DYNLT2: variants seen among roughly 807,000 people sequenced by gnomAD.
The protein encoded by DYNLT2 is dynein light chain Tctex-type protein 2.
DYNLT2 carries 24 observed loss-of-function variants against 24.3 expected under a neutral mutation model. The ratio of observed to expected loss-of-function variants is 0.99; its 90% confidence interval spans 0.71 to 1.39. The LOEUF is 1.39. Among genes scored for constraint, DYNLT2 ranks in the 40% most tolerant of loss-of-function variants. The pLI, the probability that DYNLT2 is intolerant of heterozygous loss-of-function variation, is 0.00. For missense variants in DYNLT2, 246 were observed against 234.5 expected (o/e 1.05, Z -0.32); for synonymous variants, 85 against 85.4 (o/e 1.00, Z 0.03).
chr6:169,749,755 T>C (rs1239550621), intron 1 of DYNLT2: 1 of 152,180 alleles, frequency 6.6e-6, no homozygotes, highest in Non-Finnish European at 1.5e-5. Context: ...CAATTGCAGA[T>C]GAGTTAATTC....
intron 1 of DYNLT2, among the ~76,000 whole-genome samples, 158 bp from the exon 2 acceptor site, chr6:169,744,432 A>G (rs1364501607): frequency 6.6e-6 from 1 of 152,096 alleles, no homozygotes; most frequent in Non-Finnish European, 1.5e-5. Flanking sequence ...TGGTTGCTAA[A>G]TCCTAGATTC....
intron 1 of DYNLT2, chr6:169,749,395 G>A (rs950388714): frequency 3.3e-5 from 5 of 152,204 alleles, no homozygotes; most frequent in African/African-American, 4.8e-5. Flanking sequence ...CACTGCACCC[G>A]GCTGTATTTA....
the DYNLT2 span, among the ~76,000 whole-genome samples, chr6:169,732,530 AC>A: frequency 6.6e-6 from 1 of 152,114 alleles, no homozygotes; most frequent in Admixed American, 6.5e-5. Context: ...ATGAGTGAGA[AC>A]ATGTGATGTT....
the DYNLT2 span, among the ~76,000 whole-genome samples, chr6:169,728,459 G>A: frequency 6.6e-6 from 1 of 152,208 alleles, no homozygotes. Context: ...CTGAATGTGA[G>A]TTGGTTAAGG....
the DYNLT2 span, among the ~76,000 whole-genome samples, chr6:169,727,832 G>A: frequency 1.3e-5 from 2 of 152,110 alleles, no homozygotes; most frequent in African/African-American, 4.8e-5. Context: ...CAAAGTGCTG[G>A]GATTACAGGC....
chr6:169,731,276 G>T, the DYNLT2 span, among the ~76,000 whole-genome samples: 1 of 152,224 alleles, frequency 6.6e-6, no homozygotes, highest in East Asian at 1.9e-4. Flanking sequence ...AAATAGCAGA[G>T]TATTACATTA....
At chr6:169,726,925 T>C in the DYNLT2 span, among the ~76,000 whole-genome samples, 2 of 152,064 alleles carry the variant, frequency 1.3e-5, no homozygotes, top group Admixed American at 1.3e-4. Flanking sequence ...ATTATGCAGA[T>C]ATACGTGAAA....
At chr6:169,730,079 T>C in the DYNLT2 span, among the ~76,000 whole-genome samples, 2 of 152,254 alleles carry the variant, frequency 1.3e-5, no homozygotes, top group East Asian at 3.8e-4. Context: ...ATAATTGAAA[T>C]GTGAACCACC....
chr6:169,725,517 C>G, the DYNLT2 span: 1 of 394,720 alleles, frequency 2.5e-6, no homozygotes, highest in East Asian at 3.6e-5. Flanking sequence ...TCCGTTCTTG[C>G]CTCTGTCCCA....
downstream of DYNLT2, among the ~76,000 whole-genome samples, chr6:169,736,864 T>A (rs913891534): frequency 6.7e-6 from 1 of 150,190 alleles, no homozygotes; most frequent in Non-Finnish European, 1.5e-5. Flanking sequence ...TGGCCTGTCT[T>A]CCTAGGTTGG....
rs1304514785 is a variant in DYNLT2, at chr6:169,751,143, A to T, written c.120+196T>A. On this transcript the variant is annotated intron_variant, in intron 1 of 3. Transcript: ENST00000366774. Reference sequence around the variant, plus strand: ...CCTAATTAAAAAACAAGAAAACTTTAGCACTCAAGTCCAAAGGGGACTGCC... The same window carrying T: ...CCTAATTAAAAAACAAGAAAACTTTTGCACTCAAGTCCAAAGGGGACTGCC... 6.8e-6 allele frequency: 5 copies of T among 736,184 alleles called. No individual in the cohort carries two copies. In the East Asian group the frequency reaches 1.4e-4, roughly 20 times the overall value. The allele number at this position is 736,184 out of a possible 1,614,324, so 45.6% of individuals were successfully genotyped here.
intron 1 of DYNLT2, among the ~76,000 whole-genome samples, chr6:169,745,464 T>C (rs901795205): frequency 1.3e-5 from 2 of 152,144 alleles, no homozygotes; most frequent in Non-Finnish European, 2.9e-5. Flanking sequence ...CTATTTCTAG[T>C]TTTTGGGGTG....
In DYNLT2 at chr6:169,744,097, C is replaced by A; in HGVS notation, c.298G>T (p.Val100Leu). 1 of 1,612,714 alleles carries A rather than the reference C, an allele frequency of 6.2e-7. No homozygotes were observed. The highest frequency in any genetic ancestry group is 1.3e-5 in the African/African-American group (1 of 75,042). ...EPLKKFQAHS[V>L]ETKVQQILTE... is the part of the protein sequence containing the mutation. ...AGTATCTGCTGGACTTTAGTTTCTACTGAATGAGCTTGGAATTTCTTCAAT... is the reference window on the plus strand; with the variant it reads ...AGTATCTGCTGGACTTTAGTTTCTAATGAATGAGCTTGGAATTTCTTCAAT... Residue 100 changes from valine (V) to leucine (L), a missense_variant, in exon 2 of 4, where the codon GTA becomes TTA. Transcript: ENST00000366774.
chr6:169,735,128 G>A (rs1033063091), downstream of DYNLT2, among the ~76,000 whole-genome samples: 1 of 152,156 alleles, frequency 6.6e-6, no homozygotes, highest in South Asian at 2.1e-4. Context: ...TGGGGTCAGT[G>A]GTGATATCCC....
At chr6:169,733,111 T>G in the DYNLT2 span, among the ~76,000 whole-genome samples, 2 of 152,200 alleles carry the variant, frequency 1.3e-5, no homozygotes, top group African/African-American at 4.8e-5. Flanking sequence ...TTCATATCCT[T>G]TGCCCACTTT....
At chr6:169,738,168 A>C (rs1230109257), downstream of DYNLT2, among the ~76,000 whole-genome samples, 1 of 152,204 alleles carries the variant, frequency 6.6e-6, no homozygotes, top group African/African-American at 2.4e-5. Flanking sequence ...GCAGGGGAAA[A>C]GCGCAGCCTG....
At chr6:169,730,598 T>C in the DYNLT2 span, among the ~76,000 whole-genome samples, 7 of 152,034 alleles carry the variant, frequency 4.6e-5, no homozygotes, top group African/African-American at 1.7e-4. Context: ...TGATGAACCA[T>C]ATAAAGAAAG....
chr6:169,725,641 T>G, the DYNLT2 span: 2 of 241,472 alleles, frequency 8.3e-6, no homozygotes, highest in Non-Finnish European at 1.6e-5. Flanking sequence ...CGGTTTTTTT[T>G]TTAAGAAAAA....
At chr6:169,733,600 G>A in the DYNLT2 span, among the ~76,000 whole-genome samples, 1 of 152,170 alleles carries the variant, frequency 6.6e-6, no homozygotes, top group East Asian at 1.9e-4. Flanking sequence ...GGCTGTAGAT[G>A]TGTGGTGTTA....
Sources: allele counts gnomAD v4.1 joint callset (sites outside exome capture counted in the v4.1 genomes callset), GRCh38; gene constraint gnomAD v4.1.1; transcripts MANE v1.5; gene names NCBI Gene and HGNC (gene_info 2026-07-23, HGNC 2026-07-21).